The following AHRR variants were observed in gnomAD, a reference collection of about 807,000 sequenced individuals.
The protein encoded by AHRR is aryl hydrocarbon receptor repressor, also known as ahR repressor.
In AHRR, 28 loss-of-function variants were observed where a neutral mutation model predicts 44.0. That is an observed-to-expected ratio of 0.64 (90% CI 0.47 to 0.87). AHRR has a LOEUF of 0.87. AHRR is among the 40% of genes least tolerant of loss of function. The pLI, the probability that AHRR is intolerant of heterozygous loss-of-function variation, is 0.00. For synonymous variants in AHRR, 434 were observed against 407.0 expected (o/e 1.07, Z -0.80); for missense variants, 990 against 953.9 (o/e 1.04, Z -0.50).
chr5:363,620 G>T (rs1370993108), intron 3 of AHRR, among the ~76,000 whole-genome samples: 1 of 152,186 alleles, frequency 6.6e-6, no homozygotes, highest in African/African-American at 2.4e-5. Context: ...GGAGCTCCAG[G>T]AGTCAACTTT....
rs576970941 is a variant in AHRR, at chr5:420,521, G to C, written c.442-2208G>C. The stretch of plus-strand genomic sequence containing the variant: ...GCTGCTTCCCTGCAGGAGGAAGCCA[G>C]TCTTGAGTCCTGGCTCACACCACAG... On this transcript the variant is annotated intron_variant, in intron 5 of 10. Coordinates refer to ENST00000684583, the MANE Select transcript of AHRR (RefSeq NM_001377236.1). 9.6e-4 allele frequency among the ~76,000 whole-genome samples: 147 copies of C among 152,358 alleles called. 1 individual carries two copies. Among genetic ancestry groups the C allele is most frequent in the Non-Finnish European group, 7.1e-4 (48 of 68,036 alleles).
intron 4 of AHRR, among the ~76,000 whole-genome samples, chr5:393,796 C>G (rs1734578455): frequency 6.6e-6 from 1 of 152,120 alleles, no homozygotes; most frequent in Non-Finnish European, 1.5e-5. Flanking sequence ...TGCCACAATG[C>G]CCGGCTAATT....
chr5:391,385 G>A (rs1227877489), intron 4 of AHRR, among the ~76,000 whole-genome samples: 4 of 111,808 alleles, frequency 3.6e-5, no homozygotes, highest in East Asian at 2.3e-4. Context: ...GGCGCAGGGC[G>A]AGGAGGGCGC....
Position 411,355 on chromosome 5 carries a change from G to A in AHRR, c.352-1989G>A, listed in dbSNP as rs955314298. 5.9e-5 allele frequency among the ~76,000 whole-genome samples: 9 copies of A among 151,918 alleles called. No individual in the cohort carries two copies. The highest frequency in any genetic ancestry group is 2.2e-4 in the African/African-American group (9 of 41,340). On this transcript the variant is annotated intron_variant, in intron 4 of 10. Transcript: ENST00000684583. This position sits in a 1 kb window ranked among gnomAD's most constrained non-coding sequence, Gnocchi z 4.2. ...CTCATTATGATGCAATTTTGGGTCT[G>A]TGTAGCTGCACCTGTTCTTACCATT...
chr5:370,170 GCCCCGTCCTCCCGGGCCCTCGCTGGTGC>G lies in AHRR; in HGVS notation c.245-6436_245-6409del, dbSNP rs1743522904. Among the ~76,000 whole-genome samples the G allele has an allele frequency of 3.7e-5, 3 of 81,644 alleles. No individual in the cohort carries two copies. Among genetic ancestry groups the G allele is most frequent in the Non-Finnish European group, 8.3e-5 (3 of 35,948 alleles). 53.6% of individuals were successfully genotyped at this position (81,644 alleles called of 152,430 possible). A position where few individuals can be genotyped will look rare whatever the true frequency, so the allele number is the denominator to read the frequency against. The stretch of plus-strand genomic sequence containing the variant: ...CCGTCCTCCCGGGCCCTCGCTGGAA[GCCCCGTCCTCCCGGGCCCTCGCTGGTGC>G]CCCGTCCTCCCGGGCCCTCGCTGGA... On this transcript the variant is annotated intron_variant, in intron 3 of 10. Transcript: ENST00000684583. The surrounding 1 kb of genome is among the most constrained non-coding windows in gnomAD (Gnocchi z 4.5).
Position 423,852 on chromosome 5 carries a change from A to T in AHRR, c.583A>T (p.Ile195Phe). The T allele has an allele frequency of 1.2e-6, 2 of 1,604,864 alleles. No individual in the cohort carries two copies. Among genetic ancestry groups the T allele is most frequent in the Non-Finnish European group, 1.7e-6 (2 of 1,179,272 alleles). ...CCTATGGTCTGCAGGAGATGATGCTATCCTGGGGAGGCTGCTCAGGGCCCA... is the reference window on the plus strand; with the variant it reads ...CCTATGGTCTGCAGGAGATGATGCTTTCCTGGGGAGGCTGCTCAGGGCCCA... ...PPPLETGDDA[I>F]LGRLLRAQEW... The change falls in exon 7 of 11, where the codon ATC becomes TTC. Residue 195 changes from isoleucine to phenylalanine, a missense_variant. Transcript: ENST00000684583.
chr5:424,348 C>T (rs13360193), intron 7 of AHRR, among the ~76,000 whole-genome samples: 24,686 of 99,440 alleles, frequency 0.25, 1,882 homozygotes, highest in Non-Finnish European at 0.35. Context: ...GAGCTCTGTG[C>T]ACCCTGTGAT....
intron 3 of AHRR, 73 bp downstream of exon 3, chr5:353,984 G>A (rs1440179556): frequency 6.7e-7 from 1 of 1,485,096 alleles, no homozygotes; most frequent in Non-Finnish European, 9.2e-7. Context: ...CTGGGGCCTT[G>A]TGGCCAGGTG....
chr5:372,062 C>T (rs987312754), intron 3 of AHRR, among the ~76,000 whole-genome samples: 18 of 152,226 alleles, frequency 1.2e-4, no homozygotes, highest in Admixed American at 1.1e-3. Context: ...CCACCTTCTC[C>T]CCTCACAGGA....
chr5:350,690 C>G (rs528410666), intron 2 of AHRR, among the ~76,000 whole-genome samples: 1 of 151,418 alleles, frequency 6.6e-6, no homozygotes, highest in Admixed American at 6.6e-5. Flanking sequence ...CCAGTGCACA[C>G]GAGAGCAGGT....
rs886943720 is a variant in AHRR at position 389,792 on chromosome 5, G to A, written c.351+13076G>A. 8.5e-4 allele frequency among the ~76,000 whole-genome samples: 129 copies of A among 151,662 alleles called. 1 individual carries two copies. Among genetic ancestry groups the A allele is most frequent in the Non-Finnish European group, 2.2e-4 (15 of 67,898 alleles). ...TGCGCCAGCATTGCTGGGTTCTTAA[G>A]GAAAGAGGCCACCGTGAAAGACAGG... On this transcript the variant is annotated intron_variant, in intron 4 of 10. Coordinates refer to ENST00000684583, the MANE Select transcript of AHRR (RefSeq NM_001377236.1).
chr5:324,334 G>T (rs1741626428), intron 1 of AHRR, among the ~76,000 whole-genome samples: 1 of 151,674 alleles, frequency 6.6e-6, no homozygotes, highest in African/African-American at 2.4e-5. Flanking sequence ...CTCCCAAAGT[G>T]CTGGGATTAC....
intron 7 of AHRR, among the ~76,000 whole-genome samples, chr5:426,114 C>T (rs1452064839): frequency 6.6e-6 from 1 of 152,262 alleles, no homozygotes; most frequent in Non-Finnish European, 1.5e-5. Flanking sequence ...TTAAACATTT[C>T]CCAGCACACC....
At chr5:372,842 C>T (rs951980433) in intron 3 of AHRR, among the ~76,000 whole-genome samples, 1 of 152,144 alleles carries the variant, frequency 6.6e-6, no homozygotes, top group South Asian at 2.1e-4. Context: ...CCCAGGTGCT[C>T]GTGGTGGGGG....
At chr5:407,435 C>T (rs1392919367) in intron 4 of AHRR, among the ~76,000 whole-genome samples, 2 of 152,228 alleles carry the variant, frequency 1.3e-5, no homozygotes, top group Non-Finnish European at 2.9e-5. Flanking sequence ...GTAAACGGGG[C>T]TTTCTCTACA....
rs199848058 is a variant in AHRR, at chr5:376,656, G to A, written c.291G>A (p.Ser97=). 40 of 1,391,622 alleles carry A rather than the reference G, an allele frequency of 2.9e-5. No homozygotes were observed. Among genetic ancestry groups the A allele is most frequent in the Middle Eastern group, 1.9e-4 (1 of 5,278 alleles). The allele number at this position is 1,391,622 out of a possible 1,614,324, so 86.2% of individuals were successfully genotyped here. A position where few individuals can be genotyped will look rare whatever the true frequency, so the allele number is the denominator to read the frequency against. ...GGCAGCCTGCGGCCGGCGCCCCCTC[G>A]CCCGGAGACAGCTGTCCTCTTGCAG... ...SSRQPAAGAP[S]PGDSCPLAGS... is the part of the protein sequence containing the mutation. The change falls in exon 4 of 11, where the codon TCG becomes TCA. Residue 97 remains serine (S), a synonymous_variant. Coordinates refer to ENST00000684583, the MANE Select transcript of AHRR (RefSeq NM_001377236.1).
chr5:345,081 T>TGGGGGG (rs1742573721), intron 2 of AHRR, among the ~76,000 whole-genome samples: 1 of 18,800 alleles, frequency 5.3e-5, no homozygotes, highest in Non-Finnish European at 1.3e-4. Context: ...TGTGTGTGTG[T>TGGGGGG]GTGTGTGTGT....
At position 387,717 on chromosome 5, in the gene AHRR, G is replaced by T. The variant is rs1734226624; in HGVS notation, c.351+11001G>T. Among the ~76,000 whole-genome samples the T allele has an allele frequency of 6.6e-6, 1 of 152,198 alleles. No individual in the cohort carries two copies. The highest frequency in any genetic ancestry group is 2.4e-5 in the African/African-American group (1 of 41,450). ...ATGGTGGTGGACGCTCGTGTTTTCTGAGTGTGATCGTGTGTCCATACGCTG... is the reference window on the plus strand; with the variant it reads ...ATGGTGGTGGACGCTCGTGTTTTCTTAGTGTGATCGTGTGTCCATACGCTG... On this transcript the variant is annotated intron_variant, in intron 4 of 10. Coordinates refer to ENST00000684583, the MANE Select transcript of AHRR (RefSeq NM_001377236.1). The surrounding 1 kb of genome is among the most constrained non-coding windows in gnomAD (Gnocchi z 5.1).
Position 368,375 on chromosome 5 carries a change from G to A in AHRR, c.245-8235G>A, listed in dbSNP as rs537297566. On this transcript the variant is annotated intron_variant, in intron 3 of 10. Coordinates refer to ENST00000684583, the MANE Select transcript of AHRR (RefSeq NM_001377236.1). ...TGCAGTGTTGACCGCTCACTCATCT[G>A]TACACCTGTGCACCGCACGCTGATT... is the stretch of plus-strand genomic sequence containing the variant. 3.4e-4 allele frequency among the ~76,000 whole-genome samples: 52 copies of A among 152,298 alleles called. 1 individual carries two copies. In the South Asian group the frequency reaches 0.01, roughly 30 times the overall value.
Sources: allele counts gnomAD v4.1 joint callset (sites outside exome capture counted in the v4.1 genomes callset), GRCh38; gene constraint gnomAD v4.1.1; non-coding constraint Gnocchi (gnomAD v3.1); transcripts MANE v1.5; gene names NCBI Gene and HGNC (gene_info 2026-07-23, HGNC 2026-07-21).